Variants in PRMT8 observed in about 807,000 individuals in gnomAD.
PRMT8 encodes the protein protein arginine N-methyltransferase 8.
In PRMT8, 7 loss-of-function variants were observed where a neutral mutation model predicts 47.1. The observed-to-expected ratio is 0.15, with a 90% CI of 0.08 to 0.28. The LOEUF (loss-of-function observed/expected upper bound fraction) is 0.28, where lower values mean the gene tolerates loss of function less well. PRMT8 is among the 10% of genes least tolerant of loss of function. The pLI, the probability that PRMT8 is intolerant of heterozygous loss-of-function variation, is 1.00. For synonymous variants in PRMT8, 188 were observed against 186.5 expected (o/e 1.01, Z -0.07); for missense variants, 237 against 505.4 (o/e 0.47, Z 5.09).
intron 1 of PRMT8, among the ~76,000 whole-genome samples, chr12:3,406,394 T>C (rs2137053691): frequency 6.6e-6 from 1 of 152,382 alleles, no homozygotes; most frequent in African/African-American, 2.4e-5. Flanking sequence ...CCTCGTTACT[T>C]ATGCAGATTT....
intron 1 of PRMT8, among the ~76,000 whole-genome samples, chr12:3,414,775 C>T (rs1021984157): frequency 2.0e-5 from 3 of 152,028 alleles, no homozygotes; most frequent in Non-Finnish European, 2.9e-5. Context: ...CCTGAAGCTG[C>T]ACCATCCGAA....
chr12:3,449,280 T>C (rs1035233619), intron 1 of PRMT8, among the ~76,000 whole-genome samples: 1 of 152,346 alleles, frequency 6.6e-6, no homozygotes, highest in African/African-American at 2.4e-5. Flanking sequence ...TCAAATGGTA[T>C]TTCTGGTTCT....
chr12:3,467,481 G>C (rs941673673), intron 1 of PRMT8, among the ~76,000 whole-genome samples: 3 of 151,990 alleles, frequency 2.0e-5, no homozygotes, highest in Non-Finnish European at 2.9e-5. Context: ...AAAGTGAGCC[G>C]TTCTCAGAAA....
At chr12:3,520,617 TG>T (rs1189031517) in intron 1 of PRMT8, among the ~76,000 whole-genome samples, 3 of 152,234 alleles carry the variant, frequency 2.0e-5, no homozygotes, top group African/African-American at 7.2e-5. Flanking sequence ...TGTTTGTAAG[TG>T]GGTCATCCCA....
At chr12:3,537,993 T>A (rs972717482) in intron 1 of PRMT8, among the ~76,000 whole-genome samples, 6 of 152,198 alleles carry the variant, frequency 3.9e-5, no homozygotes, top group African/African-American at 1.4e-4. Flanking sequence ...CTCCCCGTTG[T>A]CTTTTGTATT....
chr12:3,483,652 T>C (rs1226410635), intron 1 of PRMT8, among the ~76,000 whole-genome samples: 1 of 152,242 alleles, frequency 6.6e-6, no homozygotes, highest in Admixed American at 6.5e-5. Context: ...CTATGGTCTG[T>C]CGCCATCACT....
chr12:3,452,776 A>T (rs976918037), intron 1 of PRMT8, among the ~76,000 whole-genome samples: 9 of 152,140 alleles, frequency 5.9e-5, no homozygotes, highest in Non-Finnish European at 5.9e-5. Flanking sequence ...GGACTGGGGA[A>T]CGTTCAAGGC....
intron 7 of PRMT8, among the ~76,000 whole-genome samples, chr12:3,577,782 A>C (rs751207199): frequency 4.6e-5 from 7 of 152,166 alleles, no homozygotes; most frequent in Non-Finnish European, 7.3e-5. Flanking sequence ...AAGATTAGAC[A>C]CGCCTGCTCT....
At chr12:3,439,611 C>T (rs1377347620) in intron 1 of PRMT8, among the ~76,000 whole-genome samples, 4 of 152,184 alleles carry the variant, frequency 2.6e-5, no homozygotes, top group African/African-American at 9.7e-5. Flanking sequence ...ACAGTGTTCA[C>T]TATACAATGT....
At chr12:3,420,147 G>A (rs1864526239) in intron 1 of PRMT8, among the ~76,000 whole-genome samples, 1 of 152,070 alleles carries the variant, frequency 6.6e-6, no homozygotes, top group African/African-American at 2.4e-5. Flanking sequence ...CAAGAGCATT[G>A]GCACGAGCCT....
At chr12:3,504,948 G>A (rs1865594519) in intron 1 of PRMT8, among the ~76,000 whole-genome samples, 2 of 90,312 alleles carry the variant, frequency 2.2e-5, no homozygotes, top group Non-Finnish European at 4.5e-5. Context: ...ATATTCGGGT[G>A]GGAGTGACCC....
At chr12:3,391,614 G>T (rs2137045816) in intron 1 of PRMT8, among the ~76,000 whole-genome samples, 1 of 152,324 alleles carries the variant, frequency 6.6e-6, no homozygotes, top group Non-Finnish European at 1.5e-5. Flanking sequence ...GGAATGCGAA[G>T]CCACTAGAGG....
chr12:3,498,117 T>A (rs1200441617), intron 1 of PRMT8, among the ~76,000 whole-genome samples: 2 of 152,218 alleles, frequency 1.3e-5, no homozygotes, highest in Non-Finnish European at 2.9e-5. Context: ...CTTGTAGAAC[T>A]TAAAATGCTC....
intron 1 of PRMT8, among the ~76,000 whole-genome samples, chr12:3,533,987 G>GCAC (rs1429508023): frequency 6.6e-6 from 1 of 152,250 alleles, no homozygotes; most frequent in Non-Finnish European, 1.5e-5. Flanking sequence ...GTTGAAGAGA[G>GCAC]GTGTGGTGAG....
rs920839523 is a variant in PRMT8, at chr12:3,552,428, C to T, written c.418-1223C>T. The stretch of plus-strand genomic sequence containing the variant: ...GACTTCTCTCGGGAGGACACTGAGG[C>T]GCAGTTAGGAAGGGCAGTGGCCAGG... On this transcript the variant is annotated intron_variant, in intron 3 of 9. Transcript: ENST00000382622. The surrounding 1 kb of genome is among the most constrained non-coding windows in gnomAD (Gnocchi z 4.5). 9.3e-5 allele frequency: 22 copies of T among 236,240 alleles called. No individual in the cohort carries two copies. Among genetic ancestry groups the T allele is most frequent in the Middle Eastern group, 1.6e-3 (1 of 622 alleles). The allele number at this position is 236,240 out of a possible 1,614,324, so 14.6% of individuals were successfully genotyped here. A position where few individuals can be genotyped will look rare whatever the true frequency, so the allele number is the denominator to read the frequency against.
In PRMT8 at chr12:3,576,521, T is replaced by C. The variant is rs1866947290; in HGVS notation, c.713-350T>C. ...AGATAAGGGAGTTCATAGGAGACGCTGCTGGCTTGGGGAGGGGACAGGAAG... is the reference window on the plus strand; with the variant it reads ...AGATAAGGGAGTTCATAGGAGACGCCGCTGGCTTGGGGAGGGGACAGGAAG... On this transcript the variant is annotated intron_variant, in intron 6 of 9. Coordinates refer to ENST00000382622, the MANE Select transcript of PRMT8 (RefSeq NM_019854.5). This position sits in a 1 kb window ranked among gnomAD's most constrained non-coding sequence, Gnocchi z 4.0. Among the ~76,000 whole-genome samples, 1 of 152,092 alleles carries C rather than the reference T, an allele frequency of 6.6e-6. No homozygotes were observed. The highest frequency in any genetic ancestry group is 1.5e-5 in the Non-Finnish European group (1 of 68,022).
At chr12:3,442,694 T>G (rs1420260092) in intron 1 of PRMT8, among the ~76,000 whole-genome samples, 5 of 152,222 alleles carry the variant, frequency 3.3e-5, no homozygotes, top group African/African-American at 1.2e-4. Flanking sequence ...AGTCTCACTC[T>G]GTCACCCAGG....
intron 1 of PRMT8, among the ~76,000 whole-genome samples, chr12:3,448,938 C>T (rs1864888271): frequency 6.6e-6 from 1 of 152,080 alleles, no homozygotes; most frequent in Non-Finnish European, 1.5e-5. Flanking sequence ...CTCCCTGTGT[C>T]CATGTGTTCT....
chr12:3,397,936 G>A (rs1031804914), intron 1 of PRMT8, among the ~76,000 whole-genome samples: 2 of 152,176 alleles, frequency 1.3e-5, no homozygotes, highest in African/African-American at 4.8e-5. Flanking sequence ...TAAGCCCGTC[G>A]GAAAAGCGCA....
Sources: allele counts gnomAD v4.1 joint callset (sites outside exome capture counted in the v4.1 genomes callset), GRCh38; gene constraint gnomAD v4.1.1; non-coding constraint Gnocchi (gnomAD v3.1); transcripts MANE v1.5; gene names NCBI Gene and HGNC (gene_info 2026-07-23, HGNC 2026-07-21).